Variants in DLGAP2 observed in about 807,000 individuals in gnomAD.
DLGAP2 encodes disks large-associated protein 2.
DLGAP2 carries 26 observed loss-of-function variants against 100.3 expected under a neutral mutation model. The observed-to-expected ratio is 0.26, with a 90% CI of 0.19 to 0.36. The LOEUF (loss-of-function observed/expected upper bound fraction) is 0.36. Ranked by LOEUF, DLGAP2 falls within the 10% of genes least tolerant of loss-of-function variation. The pLI, the probability that DLGAP2 is intolerant of heterozygous loss-of-function variation, is 1.00. For synonymous variants in DLGAP2, 886 were observed against 630.1 expected, an observed-to-expected ratio of 1.41 and a Z score of -6.08; for missense variants, 1,858 against 1,453.2, an observed-to-expected ratio of 1.28 and a Z score of -4.53.
Position 1,227,176 on chromosome 8 carries a change from T to TATATATATATATATATATATA in DLGAP2, c.74-31672_74-31671insTATATATATATATATATAATA, listed in dbSNP as rs1563265057. Among the ~76,000 whole-genome samples the TATATATATATATATATATATA allele has an allele frequency of 1.3e-3, 74 of 58,896 alleles. 4 individuals carry two copies. The highest frequency in any genetic ancestry group is 7.8e-3 in the Middle Eastern group (1 of 128). The allele number at this position is 58,896 out of a possible 152,430, so 38.6% of individuals were successfully genotyped here. On this transcript the variant is annotated intron_variant, in intron 2 of 14. Transcript: ENST00000637795. ...GAGATATATATATATATATATATAG[T>TATATATATATATATATATATA]ATAGATATATATTATCCATTCATTT...
chr8:1,180,415 G>A (rs893583056), intron 2 of DLGAP2, among the ~76,000 whole-genome samples: 7 of 152,212 alleles, frequency 4.6e-5, no homozygotes, highest in South Asian at 2.1e-4. Flanking sequence ...ATGTTGCCCA[G>A]CCTGGTCTTG....
Position 1,446,751 on chromosome 8 carries a change from A to T in DLGAP2, c.107-54615A>T, listed in dbSNP as rs1797995357. Among the ~76,000 whole-genome samples, 3 of 152,162 alleles carry T rather than the reference A, an allele frequency of 2.0e-5. No individual in the cohort carries two copies. In the South Asian group the frequency reaches 6.2e-4, roughly 32 times the overall value. The stretch of plus-strand genomic sequence containing the variant: ...ATGGAATGTTGTTTCATTTCTTTGT[A>T]TCCTCTTTTATTTCATTGAGCAGTG... On this transcript the variant is annotated intron_variant, in intron 3 of 14. Coordinates refer to ENST00000637795, the MANE Select transcript of DLGAP2 (RefSeq NM_001346810.2).
At chr8:1,446,015 C>A (rs2130088191) in intron 3 of DLGAP2, among the ~76,000 whole-genome samples, 1 of 151,434 alleles carries the variant, frequency 6.6e-6, no homozygotes, top group South Asian at 2.1e-4. Context: ...GAGTAGGTTG[C>A]AAAAATTTTC....
chr8:1,003,789 A>G (rs1029668077), intron 2 of DLGAP2, among the ~76,000 whole-genome samples: 16 of 152,278 alleles, frequency 1.1e-4, no homozygotes, highest in Admixed American at 8.5e-4. Context: ...TGGTCCCCCC[A>G]TACCCCAGAA....
chr8:1,576,372 T>G (rs1321611684), intron 6 of DLGAP2, among the ~76,000 whole-genome samples: 1 of 152,220 alleles, frequency 6.6e-6, no homozygotes, highest in African/African-American at 2.4e-5. Flanking sequence ...ATATTAGCCC[T>G]TTGTCAGATG....
intron 3 of DLGAP2, among the ~76,000 whole-genome samples, chr8:1,483,589 G>C (rs1563175872): frequency 7.2e-6 from 1 of 139,228 alleles, no homozygotes; most frequent in East Asian, 2.0e-4. Flanking sequence ...GGCAGGCGCA[G>C]AACGTGAGGA....
intron 2 of DLGAP2, among the ~76,000 whole-genome samples, chr8:948,955 C>T (rs1288726431): frequency 1.3e-5 from 2 of 151,838 alleles, no homozygotes; most frequent in African/African-American, 2.4e-5. Context: ...GAGCAGGGCC[C>T]GTGGGCGTGA....
chr8:1,508,136 C>T (rs1210349695), intron 4 of DLGAP2, among the ~76,000 whole-genome samples: 1 of 151,832 alleles, frequency 6.6e-6, no homozygotes, highest in African/African-American at 2.4e-5. Context: ...AAGTTAGACA[C>T]ATCTAACATT....
intron 1 of DLGAP2, among the ~76,000 whole-genome samples, chr8:825,507 A>C (rs1443942686): frequency 6.6e-6 from 1 of 152,084 alleles, no homozygotes; most frequent in Admixed American, 6.5e-5. Flanking sequence ...AGCATTCCCC[A>C]CCCACTGAGA....
At chr8:1,257,534 T>A (rs977293640) in intron 2 of DLGAP2, among the ~76,000 whole-genome samples, 1 of 151,646 alleles carries the variant, frequency 6.6e-6, no homozygotes, top group Non-Finnish European at 1.5e-5. Context: ...CTCCCCAGAT[T>A]ACTATTTAAC....
chr8:1,290,134 C>G (rs536148666), intron 3 of DLGAP2, among the ~76,000 whole-genome samples: 1 of 152,292 alleles, frequency 6.6e-6, no homozygotes, highest in African/African-American at 2.4e-5. Flanking sequence ...GAGGCTCTGA[C>G]TCTATTACAT....
intron 2 of DLGAP2, among the ~76,000 whole-genome samples, chr8:1,043,902 T>A (rs1006830667): frequency 6.6e-6 from 1 of 151,856 alleles, no homozygotes; most frequent in Non-Finnish European, 1.5e-5. Context: ...GGAAGGCAGG[T>A]GTGGAGAGAC....
intron 2 of DLGAP2, among the ~76,000 whole-genome samples, chr8:1,050,604 C>T (rs1241958141): frequency 6.6e-6 from 1 of 152,188 alleles, no homozygotes; most frequent in Non-Finnish European, 1.5e-5. Context: ...ACTTGGTGTT[C>T]TTAGACTACA....
At chr8:809,476 C>A (rs1478503716) in intron 1 of DLGAP2, among the ~76,000 whole-genome samples, 1 of 144,438 alleles carries the variant, frequency 6.9e-6, no homozygotes, top group Non-Finnish European at 1.5e-5. Context: ...TTTTTTGTGG[C>A]TAATTTCATG....
At chr8:1,476,857 G>A (rs962076043) in intron 3 of DLGAP2, among the ~76,000 whole-genome samples, 3 of 145,424 alleles carry the variant, frequency 2.1e-5, no homozygotes, top group Non-Finnish European at 3.0e-5. Context: ...AGACCCACCC[G>A]TGATGGCCGA....
intron 3 of DLGAP2, among the ~76,000 whole-genome samples, chr8:1,462,932 C>T (rs1798501738): frequency 6.6e-6 from 1 of 152,202 alleles, no homozygotes; most frequent in South Asian, 2.1e-4. Context: ...CATCCCATTC[C>T]ATGAGAAGTT....
chr8:1,435,273 T>C (rs900949684), intron 3 of DLGAP2, among the ~76,000 whole-genome samples: 1 of 152,190 alleles, frequency 6.6e-6, no homozygotes, highest in East Asian at 1.9e-4. Flanking sequence ...TAAGAATAAA[T>C]GTGAGTTAAG....
chr8:1,700,831 A>G (rs569106468), intron 14 of DLGAP2, among the ~76,000 whole-genome samples: 1 of 152,332 alleles, frequency 6.6e-6, no homozygotes, highest in Non-Finnish European at 1.5e-5. Context: ...ATGCTCGGAG[A>G]TGACACAGGG....
rs1798755415 is a variant in DLGAP2, at chr8:1,240,193, G to GT, written c.74-18657dup. Reference sequence around the variant, plus strand: ...CTAGTTCTCTCTCACACAGAGTATCGTGTCTAGTTCTCTCACATGGCACTG... The same window carrying GT: ...CTAGTTCTCTCTCACACAGAGTATCGTTGTCTAGTTCTCTCACATGGCACTG... On this transcript the variant is annotated intron_variant, in intron 2 of 14. Coordinates refer to ENST00000637795, the MANE Select transcript of DLGAP2 (RefSeq NM_001346810.2). Among the ~76,000 whole-genome samples the GT allele has an allele frequency of 2.9e-5, 4 of 135,928 alleles. No homozygotes were observed. The South Asian group carries it at 1.0e-3, about 34-fold the overall frequency. 89.2% of individuals were successfully genotyped at this position (135,928 alleles called of 152,430 possible).
Sources: allele counts gnomAD v4.1 joint callset (sites outside exome capture counted in the v4.1 genomes callset), GRCh38; gene constraint gnomAD v4.1.1; transcripts MANE v1.5; gene names NCBI Gene and HGNC (gene_info 2026-07-23, HGNC 2026-07-21).